Variants in KALRN observed in about 807,000 individuals in gnomAD.
The protein encoded by KALRN is kalirin RhoGEF kinase.
In KALRN, 70 loss-of-function variants were observed where a neutral mutation model predicts 353.7. The ratio of observed to expected loss-of-function variants is 0.20; its 90% CI spans 0.16 to 0.24. The LOEUF is 0.24. KALRN is among the 10% of genes least tolerant of loss of function. The pLI is 1.00. For missense variants in KALRN, 2,791 were observed against 3,756.7 expected, an observed-to-expected ratio of 0.74 and a Z score of 6.72; for synonymous variants, 1,391 against 1,434.8, an observed-to-expected ratio of 0.97 and a Z score of 0.69.
chr3:124,221,000 G>C (rs1052014709), intron 1 of KALRN, among the ~76,000 whole-genome samples: 6 of 152,194 alleles, frequency 3.9e-5, no homozygotes, highest in African/African-American at 1.2e-4. Context: ...TCTGCCCCTT[G>C]CTGTATGTAG....
chr3:124,708,835 G>T (rs1271232550), intron 57 of KALRN, among the ~76,000 whole-genome samples: 1 of 151,784 alleles, frequency 6.6e-6, no homozygotes, highest in Non-Finnish European at 1.5e-5. Flanking sequence ...TAATCAAACT[G>T]CTGAAAACAA....
chr3:124,286,136 T>C (rs1196693472), intron 5 of KALRN, among the ~76,000 whole-genome samples: 1 of 131,272 alleles, frequency 7.6e-6, no homozygotes, highest in Non-Finnish European at 1.7e-5. Context: ...TCTTTCTTTC[T>C]TTCCTTTCTT....
intron 6 of KALRN, among the ~76,000 whole-genome samples, chr3:124,304,930 C>T (rs1474762818): frequency 1.3e-5 from 2 of 152,158 alleles, no homozygotes; most frequent in African/African-American, 4.8e-5. Flanking sequence ...TCCCTTCTAC[C>T]CAGCCCTCAT....
chr3:124,687,802 T>G (rs2061631680), intron 51 of KALRN, among the ~76,000 whole-genome samples: 2 of 151,978 alleles, frequency 1.3e-5, no homozygotes, highest in African/African-American at 4.8e-5. Flanking sequence ...AAAATATCCT[T>G]TTTAAAAATC....
At chr3:124,641,629 G>C (rs972593320) in intron 37 of KALRN, among the ~76,000 whole-genome samples, 1 of 152,118 alleles carries the variant, frequency 6.6e-6, no homozygotes, top group African/African-American at 2.4e-5. Flanking sequence ...ACAGAGTTAT[G>C]ATGATAATTG....
chr3:124,471,987 A>G (rs4443110), intron 25 of KALRN, among the ~76,000 whole-genome samples: 142,891 of 144,466 alleles, frequency 0.99, 70,682 homozygotes, highest in Non-Finnish European at 1. Context: ...AAAAAAAACA[A>G]CCTTCATTTT....
chr3:124,323,893 G>A (rs1488741951), intron 6 of KALRN, among the ~76,000 whole-genome samples: 1 of 152,206 alleles, frequency 6.6e-6, no homozygotes, highest in African/African-American at 2.4e-5. Flanking sequence ...TCATCTGCAG[G>A]TGATTCTCAT....
At chr3:124,327,757 A>T (rs146045102) in intron 7 of KALRN, among the ~76,000 whole-genome samples, 1 of 152,358 alleles carries the variant, frequency 6.6e-6, no homozygotes, top group African/African-American at 2.4e-5. Context: ...TGGGTAATAT[A>T]GGCCAAGGAG....
At chr3:124,057,368 G>A (rs529372593) in intron 1 of KALRN, among the ~76,000 whole-genome samples, 1 of 152,148 alleles carries the variant, frequency 6.6e-6, no homozygotes, top group African/African-American at 2.4e-5. Flanking sequence ...ATGATCAAGA[G>A]TCAGAACCAG....
chr3:124,323,624 T>C (rs917112151), intron 6 of KALRN, among the ~76,000 whole-genome samples: 1 of 152,160 alleles, frequency 6.6e-6, no homozygotes, highest in African/African-American at 2.4e-5. Flanking sequence ...GAGGATGTAA[T>C]AGGCAGTGAT....
chr3:124,325,787 C>T (rs2079837943), intron 6 of KALRN, among the ~76,000 whole-genome samples, 193 bp from the exon 7 acceptor site: 1 of 152,188 alleles, frequency 6.6e-6, no homozygotes, highest in African/African-American at 2.4e-5. Context: ...TGAAAGTTCC[C>T]TGCTATCTAC....
chr3:124,725,421 G>A lies in KALRN; in HGVS notation c.*5951G>A, dbSNP rs771839612. The A allele has an allele frequency of 1.1e-4, 16 of 152,190 alleles. No homozygotes were observed. The highest frequency in any genetic ancestry group is 3.9e-4 in the Admixed American group (6 of 15,274). 9.4% of individuals were successfully genotyped at this position (152,190 alleles called of 1,614,324 possible). A position where few individuals can be genotyped will look rare whatever the true frequency, so the allele number is the denominator to read the frequency against. Reference sequence around the variant, plus strand: ...ACTCTTCATAATGAGATCCTGTTCAGAGAACAGTAGTGATCAAAGTGCAAA... The same window carrying A: ...ACTCTTCATAATGAGATCCTGTTCAAAGAACAGTAGTGATCAAAGTGCAAA... On this transcript the variant is annotated 3_prime_UTR_variant, in exon 60 of 60. Coordinates refer to ENST00000682506, the MANE Select transcript of KALRN (RefSeq NM_001388419.1).
At chr3:124,229,956 C>T (rs79100403) in intron 2 of KALRN, among the ~76,000 whole-genome samples, 2,476 of 152,268 alleles carry the variant, frequency 0.016, 55 homozygotes, top group African/African-American at 0.056. Flanking sequence ...GGCAGGATTA[C>T]GCAGCAGTGA....
intron 1 of KALRN, among the ~76,000 whole-genome samples, chr3:124,120,369 G>C (rs2063853765): frequency 6.6e-6 from 1 of 152,088 alleles, no homozygotes; most frequent in Non-Finnish European, 1.5e-5. Context: ...GGTGGTTTAG[G>C]TAAATCCCCA....
chr3:124,504,641 C>T (rs572630218), intron 33 of KALRN: 3 of 346,874 alleles, frequency 8.6e-6, no homozygotes, highest in Admixed American at 3.8e-5. Flanking sequence ...GCCAAGTACT[C>T]GTGACTCACA....
intron 15 of KALRN, among the ~76,000 whole-genome samples, chr3:124,423,457 G>T (rs1239057126): frequency 6.6e-6 from 1 of 152,200 alleles, no homozygotes; most frequent in Admixed American, 6.5e-5. Context: ...AAGTTTTCTT[G>T]CCATATTAAA....
At chr3:124,279,122 C>T (rs1290748218) in intron 5 of KALRN, among the ~76,000 whole-genome samples, 1 of 152,044 alleles carries the variant, frequency 6.6e-6, no homozygotes, top group Non-Finnish European at 1.5e-5. Context: ...AAGGAAGAGC[C>T]CCATGCACAG....
intron 37 of KALRN, 33 bp from the exon 38 acceptor site, chr3:124,650,775 C>T (rs759071371): frequency 1.9e-6 from 3 of 1,561,938 alleles, no homozygotes; most frequent in East Asian, 4.7e-5. Context: ...TTTCAAAGTA[C>T]ACTTCTCTAA....
At chr3:124,400,145 T>A (rs1029167601) in intron 13 of KALRN, among the ~76,000 whole-genome samples, 3 of 152,104 alleles carry the variant, frequency 2.0e-5, no homozygotes, top group African/African-American at 2.4e-5. Context: ...ATTTTTTTTT[T>A]AATATATCGA....
Sources: gnomAD v4.1 joint callset for allele counts (sites outside exome capture counted in the v4.1 genomes callset) on GRCh38, gnomAD v4.1.1 for gene constraint, MANE v1.5 for transcripts, NCBI Gene and HGNC (gene_info 2026-07-23, HGNC 2026-07-21) for gene names.